Variants in RIMS2 observed in about 807,000 individuals in gnomAD.
RIMS2 encodes the protein regulating synaptic membrane exocytosis 2, also known as regulating synaptic membrane exocytosis protein 2.
RIMS2 carries 59 observed loss-of-function variants against 174.4 expected under a neutral mutation model. The ratio of observed to expected loss-of-function variants is 0.34; its 90% CI spans 0.27 to 0.42. The LOEUF (loss-of-function observed/expected upper bound fraction) is 0.42, where lower values mean the gene tolerates loss of function less well. Among genes scored for constraint, RIMS2 ranks in the 10% least tolerant of loss-of-function variants. The pLI, the probability that RIMS2 is intolerant of heterozygous loss-of-function variation, is 1.00. For synonymous variants in RIMS2, 606 were observed against 572.5 expected (o/e 1.06, Z -0.84); for missense variants, 1,620 against 1,666.3 (o/e 0.97, Z 0.48).
intron 1 of RIMS2, among the ~76,000 whole-genome samples, chr8:103,658,334 C>T (rs1333162041): frequency 2.0e-5 from 3 of 152,094 alleles, no homozygotes; most frequent in East Asian, 1.9e-4. Context: ...TAACACTGGC[C>T]GTATGTGAAT....
chr8:103,933,015 A>C (rs2080320546), intron 12 of RIMS2, among the ~76,000 whole-genome samples: 1 of 145,226 alleles, frequency 6.9e-6, no homozygotes, highest in South Asian at 2.2e-4. Flanking sequence ...AAAATTGGCC[A>C]GGCGCGGTGG....
chr8:103,691,789 G>T (rs1265085345), intron 1 of RIMS2, among the ~76,000 whole-genome samples: 1 of 152,102 alleles, frequency 6.6e-6, no homozygotes. Context: ...AGTATTTATT[G>T]TAGTCTTCAC....
At chr8:103,876,547 C>T (rs948492194) in intron 3 of RIMS2, among the ~76,000 whole-genome samples, 2 of 151,296 alleles carry the variant, frequency 1.3e-5, no homozygotes, top group African/African-American at 4.9e-5. Context: ...GCACCCATCA[C>T]CTGAGCAGTA....
intron 1 of RIMS2, among the ~76,000 whole-genome samples, chr8:103,551,153 G>A (rs571308424): frequency 5.3e-5 from 8 of 152,200 alleles, no homozygotes; most frequent in Admixed American, 4.6e-4. Flanking sequence ...AAAAAAAAGA[G>A]AATTTTAGAC....
chr8:104,007,328 C>A (rs1248563031), intron 17 of RIMS2, among the ~76,000 whole-genome samples: 1 of 152,050 alleles, frequency 6.6e-6, no homozygotes, highest in Non-Finnish European at 1.5e-5. Context: ...CTGAATTATT[C>A]TTCTTAATTT....
At chr8:104,222,932 G>C (rs2099162052) in intron 19 of RIMS2, among the ~76,000 whole-genome samples, 1 of 152,164 alleles carries the variant, frequency 6.6e-6, no homozygotes, top group African/African-American at 2.4e-5. Flanking sequence ...GAGAGTAAAA[G>C]AGAAAGCTTT....
chr8:103,766,411 G>C (rs1289672517), exon 3 of RIMS2: 39 of 1,613,670 alleles, frequency 2.4e-5, no homozygotes, highest in Non-Finnish European at 3.3e-5. Flanking sequence ...CAGTTCCAAG[G>C]ACCCTCAGGT....
intron 1 of RIMS2, among the ~76,000 whole-genome samples, chr8:103,615,682 A>G (rs971270845): frequency 6.6e-6 from 1 of 152,242 alleles, no homozygotes; most frequent in Non-Finnish European, 1.5e-5. Context: ...AGAAATGATG[A>G]AAGGAATGTT....
intron 2 of RIMS2, among the ~76,000 whole-genome samples, chr8:103,731,272 C>G (rs2097590416): frequency 6.6e-6 from 1 of 152,130 alleles, no homozygotes; most frequent in African/African-American, 2.4e-5. Context: ...TGAAAGATGT[C>G]ATGCCACTGT....
chr8:104,223,736 T>C, intron 19 of RIMS2: 1 of 1,594,470 alleles, frequency 6.3e-7, no homozygotes, highest in Non-Finnish European at 8.5e-7. Context: ...GTCTGCCTCC[T>C]TCGAGGCACT....
intron 4 of RIMS2, among the ~76,000 whole-genome samples, chr8:103,901,736 A>G (rs2073171846): frequency 6.6e-6 from 1 of 152,172 alleles, no homozygotes; most frequent in African/African-American, 2.4e-5. Context: ...AAAGAGCAAG[A>G]TTTTAAAAAA....
intron 3 of RIMS2, among the ~76,000 whole-genome samples, chr8:103,789,140 T>C (rs1251495721): frequency 1.3e-5 from 2 of 152,008 alleles, no homozygotes; most frequent in Non-Finnish European, 2.9e-5. Context: ...TCGTGCACGG[T>C]GCGCGCACCC....
At chr8:104,167,877 T>C (rs2135251102) in intron 19 of RIMS2, among the ~76,000 whole-genome samples, 1 of 152,312 alleles carries the variant, frequency 6.6e-6, no homozygotes, top group African/African-American at 2.4e-5. Context: ...TTTATTCTTC[T>C]GTATGTGGCT....
chr8:104,255,567 A>T (rs553812464), downstream of RIMS2: 2 of 152,280 alleles, frequency 1.3e-5, no homozygotes, highest in South Asian at 4.1e-4. Context: ...TTTCCCAGGG[A>T]CCCCAGATGC....
chr8:104,127,264 T>G lies in RIMS2; in HGVS notation c.3334+112649T>G, dbSNP rs185423226. On this transcript the variant is annotated intron_variant, in intron 19 of 23. Transcript: ENST00000504942. Reference sequence around the variant, plus strand: ...AAACGTTGGCCACTTACAGCTGTACTTGTTTTAATTTAAGTTATAATTACA... The same window carrying G: ...AAACGTTGGCCACTTACAGCTGTACGTGTTTTAATTTAAGTTATAATTACA... Among the ~76,000 whole-genome samples, 164 of 152,314 alleles carry G rather than the reference T, an allele frequency of 1.1e-3. 2 individuals carry two copies. The highest frequency in any genetic ancestry group is 0.011 in the Admixed American group (162 of 15,296).
intron 1 of RIMS2, among the ~76,000 whole-genome samples, chr8:103,643,787 G>A (rs976457445): frequency 6.6e-6 from 1 of 151,826 alleles, no homozygotes; most frequent in Non-Finnish European, 1.5e-5. Flanking sequence ...TCTGTCATTA[G>A]GCCTCAGTCT....
At chr8:103,571,645 G>T (rs574731800) in intron 1 of RIMS2, among the ~76,000 whole-genome samples, 55 of 152,044 alleles carry the variant, frequency 3.6e-4, no homozygotes, top group Non-Finnish European at 5.4e-4. Context: ...ATAGGCAAAA[G>T]GTGTTATATT....
At chr8:104,095,490 G>A (rs1162884845) in intron 19 of RIMS2, among the ~76,000 whole-genome samples, 2 of 152,080 alleles carry the variant, frequency 1.3e-5, no homozygotes, top group African/African-American at 4.8e-5. Context: ...AGGCAGCATG[G>A]CATAAAAACA....
In RIMS2 at chr8:103,719,049, G is replaced by A. The variant is rs149724371; in HGVS notation, c.387+21753G>A. Among the ~76,000 whole-genome samples, 709 of 152,248 alleles carry A rather than the reference G, an allele frequency of 4.7e-3. 2 individuals are homozygous for A. Among genetic ancestry groups the A allele is most frequent in the Non-Finnish European group, 7.7e-3 (523 of 68,018 alleles). The stretch of plus-strand genomic sequence containing the variant: ...AGCTTTCCTCTAACTGGGAATGGCT[G>A]TGTGACACAGTTCTAGCAAATGAGT... On this transcript the variant is annotated intron_variant, in intron 2 of 23. Coordinates refer to ENST00000504942, the Ensembl canonical transcript of RIMS2.
Sources: gnomAD v4.1 joint callset for allele counts (sites outside exome capture counted in the v4.1 genomes callset) on GRCh38, gnomAD v4.1.1 for gene constraint, MANE v1.5 for transcripts, NCBI Gene and HGNC (gene_info 2026-07-23, HGNC 2026-07-21) for gene names.